The following LRBA variants were observed in gnomAD, a reference collection of about 807,000 sequenced individuals.
LRBA encodes the protein LPS responsive beige-like anchor protein, also known as lipopolysaccharide-responsive and beige-like anchor protein.
A neutral mutation model predicts 330.0 loss-of-function variants in LRBA; 176 were observed. The observed-to-expected ratio is 0.53, with a 90% CI of 0.47 to 0.60. LRBA has a LOEUF of 0.60. Ranked by LOEUF, LRBA falls within the 20% of genes least tolerant of loss-of-function variation. The pLI is 0.00. For synonymous variants in LRBA, 1,230 were observed against 1,193.0 expected (o/e 1.03, Z -0.64); for missense variants, 3,259 against 3,444.8 (o/e 0.95, Z 1.35).
chr4:150,651,852 C>T (rs1779734355), intron 37 of LRBA, among the ~76,000 whole-genome samples: 1 of 152,104 alleles, frequency 6.6e-6, no homozygotes, highest in South Asian at 2.1e-4. Context: ...CCCCAGCTCC[C>T]ACCTGATTGA....
intron 2 of LRBA, among the ~76,000 whole-genome samples, chr4:150,979,363 T>G (rs1288756544): frequency 1.3e-5 from 2 of 152,198 alleles, no homozygotes; most frequent in East Asian, 3.8e-4. Context: ...TTCATCACCA[T>G]ACCTGTCCTA....
At chr4:150,481,195 T>C (rs1427091586) in intron 42 of LRBA, among the ~76,000 whole-genome samples, 2 of 152,170 alleles carry the variant, frequency 1.3e-5, no homozygotes, top group Non-Finnish European at 2.9e-5. Context: ...GGCTGAATAG[T>C]ATTCCATTGT....
At chr4:150,696,568 C>T (rs188022583) in intron 36 of LRBA, among the ~76,000 whole-genome samples, 17 of 152,156 alleles carry the variant, frequency 1.1e-4, no homozygotes, top group African/African-American at 1.7e-4. Flanking sequence ...TATCAAAATA[C>T]GTAACAAATA....
intron 48 of LRBA, among the ~76,000 whole-genome samples, chr4:150,328,888 C>T (rs138927284): frequency 2.6e-5 from 4 of 152,170 alleles, no homozygotes; most frequent in Admixed American, 1.3e-4. Context: ...ATTATAGATA[C>T]AAATTTAATA....
chr4:150,706,849 A>G (rs1785678781), intron 36 of LRBA, among the ~76,000 whole-genome samples: 1 of 151,752 alleles, frequency 6.6e-6, no homozygotes, highest in Non-Finnish European at 1.5e-5. Context: ...TAAAAAACCA[A>G]AAATGTAGTT....
At chr4:150,541,653 A>G (rs1442986071) in intron 40 of LRBA, among the ~76,000 whole-genome samples, 2 of 152,180 alleles carry the variant, frequency 1.3e-5, no homozygotes, top group Non-Finnish European at 2.9e-5. Context: ...TAATGATTCA[A>G]CTATATACTA....
At chr4:150,731,286 T>C (rs1473601703) in intron 36 of LRBA, among the ~76,000 whole-genome samples, 1 of 152,160 alleles carries the variant, frequency 6.6e-6, no homozygotes, top group African/African-American at 2.4e-5. Context: ...ATCCCACTGC[T>C]AGGTATATAT....
At chr4:150,822,869 A>AC (rs1250829475) in intron 30 of LRBA, among the ~76,000 whole-genome samples, 1 of 152,186 alleles carries the variant, frequency 6.6e-6, no homozygotes, top group Non-Finnish European at 1.5e-5. Context: ...ACATGGTGAA[A>AC]CCTCATCTCT....
chr4:150,652,211 T>G (rs570298294), intron 37 of LRBA, among the ~76,000 whole-genome samples: 4 of 152,102 alleles, frequency 2.6e-5, no homozygotes, highest in African/African-American at 9.7e-5. Flanking sequence ...ATATTCAGTT[T>G]CCCTCAATGT....
intron 42 of LRBA, among the ~76,000 whole-genome samples, chr4:150,481,069 CAT>C (rs959152135): frequency 9.9e-5 from 15 of 152,194 alleles, no homozygotes; most frequent in Non-Finnish European, 2.1e-4. Flanking sequence ...GTAGCTTCCA[CAT>C]ATGAGTGAGA....
Position 150,596,010 on chromosome 4 carries a change from T to A in LRBA, c.6046+2997A>T, listed in dbSNP as rs1354032272. 3.3e-5 allele frequency among the ~76,000 whole-genome samples: 5 copies of A among 151,954 alleles called. No homozygotes were observed. In the East Asian group the frequency reaches 9.6e-4, roughly 29 times the overall value. ...AGCTGCTAATTTCCATAAAGAATAC[T>A]TAATCATAAGAGGAAGTATTAATTT... On this transcript the variant is annotated intron_variant, in intron 38 of 56. Transcript: ENST00000651943.
intron 2 of LRBA, among the ~76,000 whole-genome samples, chr4:151,011,186 CAAAA>C (rs889750432): frequency 2.3e-5 from 3 of 132,766 alleles, no homozygotes; most frequent in South Asian, 2.4e-4. Flanking sequence ...GACTCTGTCT[CAAAA>C]AAAAAAAAGA....
intron 40 of LRBA, among the ~76,000 whole-genome samples, chr4:150,587,087 A>G (rs1252880080): frequency 6.6e-6 from 1 of 152,182 alleles, no homozygotes; most frequent in Non-Finnish European, 1.5e-5. Flanking sequence ...AAAGGCAGCA[A>G]TATTGAAACA....
At chr4:150,823,760 A>T (rs901642752) in intron 30 of LRBA, among the ~76,000 whole-genome samples, 19 of 152,018 alleles carry the variant, frequency 1.2e-4, no homozygotes, top group African/African-American at 4.3e-4. Context: ...AAATGAGTTC[A>T]CTTGTAGACG....
At chr4:150,937,255 G>A (rs571087905) in intron 2 of LRBA, among the ~76,000 whole-genome samples, 1 of 151,894 alleles carries the variant, frequency 6.6e-6, no homozygotes. Context: ...ACATGCACAG[G>A]GTCTACAGTA....
chr4:150,785,535 C>T (rs1489625418), intron 34 of LRBA, among the ~76,000 whole-genome samples: 4 of 152,124 alleles, frequency 2.6e-5, no homozygotes, highest in South Asian at 2.1e-4. Context: ...GTTTGGCCTA[C>T]GCCTAGGAAT....
At chr4:150,559,947 AAT>A (rs1232822542) in intron 40 of LRBA, among the ~76,000 whole-genome samples, 13 of 100,964 alleles carry the variant, frequency 1.3e-4, no homozygotes, top group East Asian at 3.0e-4. Flanking sequence ...TATCTATATA[AAT>A]ATATATATAA....
chr4:150,554,560 A>G (rs1767042681), intron 40 of LRBA, among the ~76,000 whole-genome samples: 1 of 152,162 alleles, frequency 6.6e-6, no homozygotes, highest in Non-Finnish European at 1.5e-5. Context: ...GTTTTTAGTA[A>G]AAGAATGATA....
intron 37 of LRBA, among the ~76,000 whole-genome samples, chr4:150,603,666 ATT>A (rs1300942774): frequency 6.6e-6 from 1 of 151,814 alleles, no homozygotes; most frequent in Non-Finnish European, 1.5e-5. Flanking sequence ...AATCTGGCTA[ATT>A]TTTTTTATTT....
Sources: gnomAD v4.1 joint callset for allele counts (sites outside exome capture counted in the v4.1 genomes callset) on GRCh38, gnomAD v4.1.1 for gene constraint, MANE v1.5 for transcripts, NCBI Gene and HGNC (gene_info 2026-07-23, HGNC 2026-07-21) for gene names.